The following ATRX variants were observed in gnomAD, a reference collection of about 807,000 sequenced individuals.
ATRX encodes chromatin remodeler ATRX.
A neutral mutation model predicts 172.6 loss-of-function variants in ATRX; 12 were observed. That is an observed-to-expected ratio of 0.07 (90% CI 0.04 to 0.11). The LOEUF is 0.11. Ranked by LOEUF, ATRX falls within the 10% of genes least tolerant of loss-of-function variation. The pLI is 1.00. For missense variants in ATRX, 1,368 were observed against 1,767.4 expected (o/e 0.77, Z 4.05); for synonymous variants, 674 against 594.7 (o/e 1.13, Z -1.94).
chrX:77,785,863 C>G, intron 1 of ATRX, 119 bp downstream of exon 1: 1 of 939,041 alleles, frequency 1.1e-6, no homozygotes, highest in South Asian at 3.7e-5. Context: ...AAAACGATGC[C>G]TCTTTCGGCT....
At chrX:77,571,757 C>G (rs1433528127) in intron 28 of ATRX, among the ~76,000 whole-genome samples, 1 of 111,326 alleles carries the variant, frequency 9.0e-6, no homozygotes, top group Non-Finnish European at 1.9e-5. Context: ...GTAAAGGGTT[C>G]ACAGGACCTC....
chrX:77,735,154 A>G (rs1445021259), intron 1 of ATRX, among the ~76,000 whole-genome samples: 1 of 112,165 alleles, frequency 8.9e-6, no homozygotes, highest in Non-Finnish European at 1.9e-5. Context: ...GGATATCCAT[A>G]TACAGAAGAA....
At chrX:77,565,042 C>T (rs1412474859) in intron 28 of ATRX, among the ~76,000 whole-genome samples, 3 of 111,772 alleles carry the variant, frequency 2.7e-5, no homozygotes, top group Non-Finnish European at 5.6e-5. Flanking sequence ...AAAACCCCTT[C>T]CCTTCCTACT....
At chrX:77,597,339 G>C (rs1362688687) in intron 25 of ATRX, among the ~76,000 whole-genome samples, 1 of 109,957 alleles carries the variant, frequency 9.1e-6, no homozygotes, top group Non-Finnish European at 1.9e-5. Context: ...AAATCACCGA[G>C]TCAGAAAGAA....
chrX:77,609,089 G>A (rs1281268114), intron 22 of ATRX, among the ~76,000 whole-genome samples: 1 of 111,595 alleles, frequency 9.0e-6, no homozygotes, highest in East Asian at 2.8e-4. Flanking sequence ...ACAGACAAAC[G>A]CTGGCGAGGA....
intron 1 of ATRX, among the ~76,000 whole-genome samples, chrX:77,758,322 G>A (rs1395547572): frequency 1.8e-5 from 2 of 108,418 alleles, no homozygotes; most frequent in African/African-American, 6.7e-5. Flanking sequence ...CCCGGGACAC[G>A]GAGTTTGCAG....
intron 10 of ATRX, 113 bp downstream of exon 10, chrX:77,676,112 CT>C: frequency 4.4e-6 from 3 of 687,027 alleles, no homozygotes; most frequent in Non-Finnish European, 6.7e-6. Flanking sequence ...GCGAGTCTTT[CT>C]AAGGCAGGCA....
chrX:77,676,221 C>A lies in ATRX; in HGVS notation c.3809+5G>T. 1 of 1,203,494 alleles carries A rather than the reference C, an allele frequency of 8.3e-7. No homozygotes were observed. Among genetic ancestry groups the A allele is most frequent in the South Asian group, 1.8e-5 (1 of 56,691 alleles). On this transcript the variant is annotated splice_donor_5th_base_variant and intron_variant, in intron 10 of 34. Transcript: ENST00000373344. ...TTTTTAAAGTCCTTACAGATGGAATCATACCTATTCTCAGGATCATTGTCG... is the reference window on the plus strand; with the variant it reads ...TTTTTAAAGTCCTTACAGATGGAATAATACCTATTCTCAGGATCATTGTCG...
chrX:77,628,709 G>C, intron 19 of ATRX, among the ~76,000 whole-genome samples: 1 of 111,613 alleles, frequency 9.0e-6, no homozygotes, highest in African/African-American at 3.3e-5. Context: ...CTGGACTCAA[G>C]CAATCATCCC....
At chrX:77,768,445 A>G (rs1254764636) in intron 1 of ATRX, among the ~76,000 whole-genome samples, 2 of 112,315 alleles carry the variant, frequency 1.8e-5, no homozygotes, top group African/African-American at 6.5e-5. Context: ...AAACTTACGA[A>G]TAAAAGGAGA....
chrX:77,712,369 C>T (rs1183246510), intron 2 of ATRX, among the ~76,000 whole-genome samples: 1 of 112,222 alleles, frequency 8.9e-6, no homozygotes, highest in African/African-American at 3.2e-5. Context: ...TGAAGGAGTT[C>T]CTCAACTAGT....
At chrX:77,762,018 C>G (rs2075732490) in intron 1 of ATRX, among the ~76,000 whole-genome samples, 1 of 110,865 alleles carries the variant, frequency 9.0e-6, no homozygotes, top group Non-Finnish European at 1.9e-5. Flanking sequence ...TACGCAATGA[C>G]TTGGCCAGGC....
rs782263341 is a variant in ATRX at position 77,760,781 on chromosome X, A to T, written c.20+25201T>A. Among the ~76,000 whole-genome samples the T allele has an allele frequency of 7.2e-5, 8 of 111,768 alleles. No homozygotes were observed. The South Asian group carries it at 2.9e-3, about 41-fold the overall frequency. On this transcript the variant is annotated intron_variant, in intron 1 of 34. Coordinates refer to ENST00000373344, the MANE Select transcript of ATRX (RefSeq NM_000489.6). ...AGCAAATATGACATAAGATTTTAAA[A>T]TATTTCCCACTTAAATAATAAAAAA...
intron 1 of ATRX, among the ~76,000 whole-genome samples, chrX:77,755,085 C>T (rs1358364131): frequency 8.9e-6 from 1 of 112,282 alleles, no homozygotes; most frequent in Non-Finnish European, 1.9e-5. Flanking sequence ...TCAGTAAGTT[C>T]ATCTTCAATA....
intron 30 of ATRX, among the ~76,000 whole-genome samples, chrX:77,536,133 T>A (rs969284165): frequency 3.9e-4 from 43 of 110,540 alleles, no homozygotes; most frequent in African/African-American, 1.3e-3. Context: ...CTACATAGCC[T>A]CGAACCCCTG....
Position 77,682,840 on chromosome X carries a change from T to G in ATRX, c.2416A>C (p.Lys806Gln), listed in dbSNP as rs1557139695. 1 of 1,207,698 alleles carries G rather than the reference T, an allele frequency of 8.3e-7. No individual in the cohort carries two copies. The highest frequency in any genetic ancestry group is 1.1e-6 in the Non-Finnish European group (1 of 894,475). The change falls in exon 9 of 35, where the codon AAG (lysine) becomes CAG (glutamine). Residue 806 changes from lysine (K) to glutamine (Q), a missense_variant. Lys to Gln is a moderately conservative substitution (Grantham distance 53). Coordinates refer to ENST00000373344, the MANE Select transcript of ATRX (RefSeq NM_000489.6). ...GACTCAGACTGGGTTTGTCGTTTCT[T>G]TTTAGAAATTATAGAGCTCTTAGCT... ...KSAKSSIISK[K>Q]KRQTQSESSN...
intron 1 of ATRX, among the ~76,000 whole-genome samples, chrX:77,753,924 T>C (rs186762694): frequency 2.1e-4 from 24 of 111,869 alleles, no homozygotes; most frequent in African/African-American, 7.5e-4. Context: ...ATCTGTCTAA[T>C]ATTGACAGTG....
chrX:77,623,937 G>A (rs1267408714), intron 19 of ATRX, among the ~76,000 whole-genome samples: 1 of 111,742 alleles, frequency 8.9e-6, no homozygotes, highest in Non-Finnish European at 1.9e-5. Context: ...CAAACCCATA[G>A]CCAACATAAT....
chrX:77,577,259 C>T (rs1210205992), intron 27 of ATRX, among the ~76,000 whole-genome samples: 1 of 111,427 alleles, frequency 9.0e-6, no homozygotes, highest in African/African-American at 3.3e-5. Flanking sequence ...GTTCCAATGT[C>T]TCCATATCCT....
Sources: gnomAD v4.1 joint callset for allele counts (sites outside exome capture counted in the v4.1 genomes callset) on GRCh38, gnomAD v4.1.1 for gene constraint, MANE v1.5 for transcripts, NCBI Gene and HGNC (gene_info 2026-07-23, HGNC 2026-07-21) for gene names.